The following COL5A2 variants were observed in gnomAD, a reference collection of about 807,000 sequenced individuals.
The protein encoded by COL5A2 is collagen alpha-2(V) chain.
A neutral mutation model predicts 208.2 loss-of-function variants in COL5A2; 23 were observed. That is an observed-to-expected ratio of 0.11 (90% CI 0.08 to 0.16). The LOEUF is 0.16. Ranked by LOEUF, COL5A2 falls within the 10% of genes least tolerant of loss-of-function variation. COL5A2 has a pLI of 1.00. For synonymous variants in COL5A2, 625 were observed against 628.5 expected, an observed-to-expected ratio of 0.99 and a Z score of 0.08; for missense variants, 1,590 against 1,956.4, an observed-to-expected ratio of 0.81 and a Z score of 3.53.
chr2:189,293,821 C>T, the COL5A2 span, among the ~76,000 whole-genome samples: 17 of 152,278 alleles, frequency 1.1e-4, no homozygotes, highest in East Asian at 1.9e-4. Context: ...AGCGGTGGCT[C>T]ATGCCTGTAA....
chr2:189,053,002 G>A lies in COL5A2; in HGVS notation c.2570C>T (p.Pro857Leu), dbSNP rs938162476. The A allele has an allele frequency of 8.7e-6, 14 of 1,613,872 alleles. No individual in the cohort carries two copies. The highest frequency in any genetic ancestry group is 1.2e-5 in the Non-Finnish European group (14 of 1,179,894). The change falls in exon 39 of 54, where the codon CCT becomes CTT. Residue 857 changes from proline to leucine, a missense_variant. Pro to Leu is a moderately conservative substitution (Grantham distance 98, BLOSUM62 -3). Coordinates refer to ENST00000374866, the MANE Select transcript of COL5A2 (RefSeq NM_000393.5). ...CTCTCCAGGTTCACCTTTTACTCCA[G>A]GCTGTCCGTCAGGACCCTATAAAAA... ...FAGPQGPDGQ[P>L]GVKGEPGEPG...
chr2:189,141,767 C>T (rs1291777828), intron 1 of COL5A2, among the ~76,000 whole-genome samples: 2 of 152,120 alleles, frequency 1.3e-5, no homozygotes, highest in Admixed American at 1.3e-4. Flanking sequence ...AGCAAACCGT[C>T]CTTTTAATAG....
chr2:189,428,228 TAGA>T, the COL5A2 span, among the ~76,000 whole-genome samples: 1 of 152,066 alleles, frequency 6.6e-6, no homozygotes, highest in African/African-American at 2.4e-5. Flanking sequence ...ATGCTGGAGG[TAGA>T]AGGTGACTGA....
Position 189,052,738 on chromosome 2 carries a change from A to C in COL5A2, c.2715+11T>G, listed in dbSNP as rs371363636. The C allele has an allele frequency of 1.9e-6, 3 of 1,613,920 alleles. No individual in the cohort carries two copies. In the East Asian group the frequency reaches 6.7e-5, roughly 36 times the overall value. The stretch of plus-strand genomic sequence containing the variant: ...GCTGTGCATACTTTGCAGAGCATCA[A>C]ATAAACTTACAGGCGGACCTTGGGT... On this transcript the variant is annotated intron_variant, in intron 40 of 53. Coordinates refer to ENST00000374866, the MANE Select transcript of COL5A2 (RefSeq NM_000393.5).
chr2:189,115,411 A>G (rs2105723814), intron 1 of COL5A2, among the ~76,000 whole-genome samples: 1 of 152,148 alleles, frequency 6.6e-6, no homozygotes, highest in East Asian at 1.9e-4. Context: ...GTGGGGGAAA[A>G]AAAAAAAGCC....
At chr2:189,414,684 G>A in the COL5A2 span, among the ~76,000 whole-genome samples, 3 of 148,392 alleles carry the variant, frequency 2.0e-5, no homozygotes, top group African/African-American at 7.5e-5. Context: ...GGGAGACAGA[G>A]GTTGCATTGC....
intron 1 of COL5A2, among the ~76,000 whole-genome samples, chr2:189,185,690 CCTGT>C (rs1422075584): frequency 6.6e-6 from 1 of 152,086 alleles, no homozygotes; most frequent in Non-Finnish European, 1.5e-5. Context: ...ACTATATTTA[CCTGT>C]CTGTTTCCCT....
chr2:189,354,878 T>C, the COL5A2 span, among the ~76,000 whole-genome samples: 1 of 152,220 alleles, frequency 6.6e-6, no homozygotes. Flanking sequence ...TGTTAGGGTG[T>C]CGATTTTAGA....
At chr2:189,094,646 C>CACACACACACAT (rs1248564270) in intron 6 of COL5A2, among the ~76,000 whole-genome samples, 1 of 132,544 alleles carries the variant, frequency 7.5e-6, no homozygotes, top group Non-Finnish European at 1.7e-5. Context: ...CACACACACA[C>CACACACACACAT]ATAAATGTTA....
the COL5A2 span, among the ~76,000 whole-genome samples, chr2:189,326,246 T>A: frequency 1.3e-5 from 2 of 152,276 alleles, no homozygotes; most frequent in African/African-American, 4.8e-5. Context: ...TGATGATGAT[T>A]ATGAAGAAGA....
chr2:189,068,694 T>C (rs1186465408), intron 19 of COL5A2, 92 bp downstream of exon 19: 5 of 864,218 alleles, frequency 5.8e-6, no homozygotes, highest in African/African-American at 5.0e-5. Context: ...ACAAATATTA[T>C]GTATCAATTA....
the COL5A2 span, among the ~76,000 whole-genome samples, chr2:189,334,859 T>C: frequency 6.6e-6 from 1 of 152,058 alleles, no homozygotes; most frequent in Non-Finnish European, 1.5e-5. Flanking sequence ...TATCATGTGA[T>C]GTTGACATAA....
At chr2:189,211,992 T>C (rs1689218595) in intron 1 of COL5A2, among the ~76,000 whole-genome samples, 2 of 152,134 alleles carry the variant, frequency 1.3e-5, no homozygotes, top group African/African-American at 4.8e-5. Flanking sequence ...AACCCCAAAA[T>C]AGCTGCCAGC....
At chr2:189,046,001 G>GA (rs1202757166) in intron 45 of COL5A2, 94 bp from the exon 46 acceptor site, 20 of 1,010,858 alleles carry the variant, frequency 2.0e-5, no homozygotes, top group Non-Finnish European at 2.7e-5. Flanking sequence ...TTAATAATGG[G>GA]AAAAAATACC....
At chr2:189,364,602 G>C in the COL5A2 span, among the ~76,000 whole-genome samples, 1 of 151,820 alleles carries the variant, frequency 6.6e-6, no homozygotes, top group South Asian at 2.1e-4. Flanking sequence ...CAGGAGAATC[G>C]CAAGAATCCA....
At chr2:189,281,055 T>A in the COL5A2 span, among the ~76,000 whole-genome samples, 1 of 152,186 alleles carries the variant, frequency 6.6e-6, no homozygotes, top group Non-Finnish European at 1.5e-5. Context: ...TTTTTAACAA[T>A]ATATTTGCAC....
chr2:189,197,169 G>T (rs891513298), intron 1 of COL5A2, among the ~76,000 whole-genome samples: 18 of 152,116 alleles, frequency 1.2e-4, no homozygotes, highest in African/African-American at 4.3e-4. Flanking sequence ...ATTATCCTCA[G>T]CAAACTAACA....
chr2:189,371,653 G>T, the COL5A2 span, among the ~76,000 whole-genome samples: 6 of 152,172 alleles, frequency 3.9e-5, no homozygotes, highest in African/African-American at 1.2e-4. Flanking sequence ...ATGACTTGGG[G>T]TATCTGGCGG....
intron 1 of COL5A2, among the ~76,000 whole-genome samples, chr2:189,198,599 C>A (rs1014590640): frequency 6.6e-6 from 1 of 152,086 alleles, no homozygotes; most frequent in Non-Finnish European, 1.5e-5. Flanking sequence ...AGTCATTTAT[C>A]AGACACCTTC....
Sources: gnomAD v4.1 joint callset for allele counts (sites outside exome capture counted in the v4.1 genomes callset) on GRCh38, gnomAD v4.1.1 for gene constraint, MANE v1.5 for transcripts, NCBI Gene and HGNC (gene_info 2026-07-23, HGNC 2026-07-21) for gene names.